GRXCR2: variants seen among roughly 807,000 people sequenced by gnomAD.
The protein encoded by GRXCR2 is glutaredoxin and cysteine rich domain containing 2, also known as glutaredoxin domain-containing cysteine-rich protein 2.
In GRXCR2, 23 loss-of-function variants were observed where a neutral mutation model predicts 24.8. The observed-to-expected ratio is 0.93, with a 90% CI of 0.67 to 1.32. The LOEUF (loss-of-function observed/expected upper bound fraction) is 1.32, where lower values mean the gene tolerates loss of function less well. Ranked by LOEUF, GRXCR2 falls within the 40% of genes most tolerant of loss-of-function variation. GRXCR2 has a pLI of 0.00. For synonymous variants in GRXCR2, 130 were observed against 116.1 expected (o/e 1.12, Z -0.77); for missense variants, 315 against 303.4 (o/e 1.04, Z -0.28).
intron 2 of GRXCR2, among the ~76,000 whole-genome samples, chr5:145,896,622 AG>A (rs1434698314): frequency 6.6e-6 from 1 of 152,212 alleles, no homozygotes; most frequent in African/African-American, 2.4e-5. Context: ...ACATTAAAAA[AG>A]TCAGGAAACA....
chr5:145,909,222 G>A (rs1757131059), intron 2 of GRXCR2, among the ~76,000 whole-genome samples: 1 of 152,208 alleles, frequency 6.6e-6, no homozygotes, highest in Non-Finnish European at 1.5e-5. Flanking sequence ...GAGGCGCGCA[G>A]TCATTACTAC....
intron 2 of GRXCR2, among the ~76,000 whole-genome samples, chr5:145,921,562 T>C (rs939285233): frequency 6.6e-6 from 1 of 152,188 alleles, no homozygotes; most frequent in Non-Finnish European, 1.5e-5. Context: ...TCACCCAACT[T>C]TCCGGAGAAG....
At chr5:145,898,028 T>C (rs1022688117) in intron 2 of GRXCR2, among the ~76,000 whole-genome samples, 3 of 152,008 alleles carry the variant, frequency 2.0e-5, no homozygotes, top group Non-Finnish European at 2.9e-5. Flanking sequence ...ACCAAAAGTT[T>C]GCTTTTTGAA....
intron 2 of GRXCR2, among the ~76,000 whole-genome samples, chr5:145,906,539 A>T (rs1224063966): frequency 1.3e-5 from 2 of 152,204 alleles, no homozygotes; most frequent in Admixed American, 1.3e-4. Context: ...GCTGCCCTGA[A>T]AATAACATTT....
intron 2 of GRXCR2, among the ~76,000 whole-genome samples, chr5:145,893,193 G>C (rs866297770): frequency 1.8e-4 from 28 of 152,168 alleles, no homozygotes; most frequent in South Asian, 2.1e-4. Context: ...AAATTGTAAA[G>C]ACCATCAAGG....
chr5:145,897,630 A>G (rs1247963605), intron 2 of GRXCR2, among the ~76,000 whole-genome samples: 1 of 152,132 alleles, frequency 6.6e-6, no homozygotes, highest in Non-Finnish European at 1.5e-5. Flanking sequence ...CACTCAGACC[A>G]CAGTGGAATA....
At chr5:145,919,519 G>A (rs1436561684) in intron 2 of GRXCR2, among the ~76,000 whole-genome samples, 3 of 152,168 alleles carry the variant, frequency 2.0e-5, no homozygotes, top group Admixed American at 2.0e-4. Context: ...CACTCCCTGA[G>A]TTGCAAGGGT....
intron 2 of GRXCR2, among the ~76,000 whole-genome samples, chr5:145,888,177 G>C (rs1756802455): frequency 6.6e-6 from 1 of 152,210 alleles, no homozygotes; most frequent in Non-Finnish European, 1.5e-5. Context: ...CACCTGCAGG[G>C]AGGAGAGGGA....
At chr5:145,903,177 G>T (rs1757046021) in intron 2 of GRXCR2, among the ~76,000 whole-genome samples, 1 of 152,086 alleles carries the variant, frequency 6.6e-6, no homozygotes, top group African/African-American at 2.4e-5. Context: ...TGTGATCTTG[G>T]GTAACGTGCT....
chr5:145,897,326 A>T (rs537161771), intron 2 of GRXCR2, among the ~76,000 whole-genome samples: 112 of 146,104 alleles, frequency 7.7e-4, no homozygotes, highest in African/African-American at 2.4e-3. Context: ...AAAGTATAAT[A>T]AAAAAAAAAA....
chr5:145,931,320 C>A (rs1170855645), intron 2 of GRXCR2, among the ~76,000 whole-genome samples: 1 of 152,194 alleles, frequency 6.6e-6, no homozygotes, highest in Admixed American at 6.5e-5. Context: ...GCATGAGCCA[C>A]TGCACCTGGC....
upstream of GRXCR2, among the ~76,000 whole-genome samples, chr5:145,877,354 CTTT>C (rs36071987): frequency 1.4e-5 from 2 of 140,758 alleles, no homozygotes; most frequent in African/African-American, 2.6e-5. Context: ...CTTCACTATT[CTTT>C]TTTTTTTTTT....
At chr5:145,900,035 T>C (rs1757003375) in intron 2 of GRXCR2, among the ~76,000 whole-genome samples, 1 of 152,142 alleles carries the variant, frequency 6.6e-6, no homozygotes, top group African/African-American at 2.4e-5. Flanking sequence ...AACCAGAATC[T>C]ATAAGAAACT....
upstream of GRXCR2, among the ~76,000 whole-genome samples, chr5:145,875,359 G>A (rs1168730367): frequency 1.3e-5 from 2 of 152,174 alleles, no homozygotes; most frequent in East Asian, 1.9e-4. Context: ...GACCATCCTG[G>A]CCAACATAGT....
chr5:145,895,202 G>A (rs1205992430), intron 2 of GRXCR2, among the ~76,000 whole-genome samples: 1 of 152,012 alleles, frequency 6.6e-6, no homozygotes, highest in South Asian at 2.1e-4. Flanking sequence ...AAAACTGGAA[G>A]CATTCCCTTT....
chr5:145,913,580 C>A (rs1757194947), intron 2 of GRXCR2, among the ~76,000 whole-genome samples: 1 of 152,062 alleles, frequency 6.6e-6, no homozygotes, highest in Non-Finnish European at 1.5e-5. Flanking sequence ...TAATACATTG[C>A]CGGAAATTTT....
At chr5:145,923,244 C>T (rs540183280) in intron 2 of GRXCR2, among the ~76,000 whole-genome samples, 104 of 152,302 alleles carry the variant, frequency 6.8e-4, no homozygotes, top group African/African-American at 2.5e-3. Context: ...GTCTACTTTA[C>T]ATATAATAAG....
chr5:145,864,463 C>G (rs1013186467), intron 2 of GRXCR2, among the ~76,000 whole-genome samples: 2 of 152,024 alleles, frequency 1.3e-5, no homozygotes, highest in African/African-American at 4.8e-5. Flanking sequence ...GCTCTGTGTC[C>G]CTACCCAAAT....
intron 2 of GRXCR2, among the ~76,000 whole-genome samples, chr5:145,881,106 T>C (rs2149915420): frequency 6.6e-6 from 1 of 152,370 alleles, no homozygotes; most frequent in African/African-American, 2.4e-5. Context: ...AGCATTCCCT[T>C]TGAATACTGG....
Sources: allele counts gnomAD v4.1 joint callset (sites outside exome capture counted in the v4.1 genomes callset), GRCh38; gene constraint gnomAD v4.1.1; transcripts MANE v1.5; gene names NCBI Gene and HGNC (gene_info 2026-07-23, HGNC 2026-07-21).